The following GRK5 variants were observed in gnomAD, a reference collection of about 807,000 sequenced individuals.
GRK5 encodes the protein G protein-coupled receptor kinase 5, also known as g protein-coupled receptor kinase GRK5.
A neutral mutation model predicts 78.4 loss-of-function variants in GRK5; 40 were observed. The observed-to-expected ratio is 0.51, with a 90% CI of 0.40 to 0.66. The LOEUF is 0.66. Ranked by LOEUF, GRK5 falls within the 30% of genes least tolerant of loss-of-function variation. The probability of loss-of-function intolerance (pLI) is 0.00; values close to 1 mark genes in which losing one functional copy is unlikely to be tolerated. For synonymous variants in GRK5, 289 were observed against 296.8 expected (o/e 0.97, Z 0.27); for missense variants, 598 against 759.9 (o/e 0.79, Z 2.50).
intron 2 of GRK5, among the ~76,000 whole-genome samples, chr10:119,345,083 C>G (rs1031669742): frequency 6.6e-6 from 1 of 152,244 alleles, no homozygotes; most frequent in Non-Finnish European, 1.5e-5. Flanking sequence ...ATTCTCCTGC[C>G]TCAGCCTCCC....
chr10:119,342,413 T>C (rs1243406395), intron 2 of GRK5, among the ~76,000 whole-genome samples: 1 of 152,196 alleles, frequency 6.6e-6, no homozygotes, highest in Admixed American at 6.5e-5. Flanking sequence ...GTGATTAGAT[T>C]TCCCTGAACC....
At chr10:119,260,444 T>G (rs986302931) in intron 1 of GRK5, among the ~76,000 whole-genome samples, 1 of 151,098 alleles carries the variant, frequency 6.6e-6, no homozygotes, top group African/African-American at 2.4e-5. Context: ...TCTTGGGTGT[T>G]TCTCACAGAG....
chr10:119,421,792 G>C (rs1852574809), intron 4 of GRK5, among the ~76,000 whole-genome samples: 1 of 152,220 alleles, frequency 6.6e-6, no homozygotes, highest in Admixed American at 6.5e-5. Context: ...AGACCCTGAG[G>C]GCAGGGGTGA....
intron 3 of GRK5, among the ~76,000 whole-genome samples, chr10:119,386,958 T>C (rs558586858): frequency 3.9e-4 from 60 of 152,206 alleles, no homozygotes; most frequent in African/African-American, 1.4e-3. Context: ...CCTGTCCTCG[T>C]TGGACTCTGA....
intron 1 of GRK5, among the ~76,000 whole-genome samples, chr10:119,250,929 C>T (rs925012068): frequency 1.3e-5 from 2 of 152,166 alleles, no homozygotes; most frequent in Non-Finnish European, 2.9e-5. Context: ...GGCATCTCCA[C>T]GCTCTCCTAT....
In GRK5 at chr10:119,207,740, T is replaced by C; in HGVS notation, c.-178T>C. The C allele has an allele frequency of 1.8e-6, 1 of 555,048 alleles. No individual in the cohort carries two copies. The highest frequency in any genetic ancestry group is 3.0e-6 in the Non-Finnish European group (1 of 332,228). 34.4% of individuals were successfully genotyped at this position (555,048 alleles called of 1,614,324 possible). On this transcript the variant is annotated 5_prime_UTR_variant, in exon 1 of 16. Transcript: ENST00000392870. ...GCGGCGGCGGCGGCGGCGGCTCCTC[T>C]TTGCAGAGGGGGAAACTCTTGGGCT... is the stretch of plus-strand genomic sequence containing the variant.
At chr10:119,444,599 C>T (rs1465000724) in intron 12 of GRK5, among the ~76,000 whole-genome samples, 1 of 152,172 alleles carries the variant, frequency 6.6e-6, no homozygotes, top group Non-Finnish European at 1.5e-5. Context: ...GCTGGCACCC[C>T]CACTGCAAGC....
At chr10:119,220,843 C>A (rs1293055794) in intron 1 of GRK5, among the ~76,000 whole-genome samples, 1 of 128,508 alleles carries the variant, frequency 7.8e-6, no homozygotes, top group Admixed American at 8.3e-5. Context: ...AAAAAATTTG[C>A]AAAGGTAATA....
chr10:119,352,370 C>A (rs1375431874), intron 2 of GRK5, among the ~76,000 whole-genome samples: 1 of 152,180 alleles, frequency 6.6e-6, no homozygotes, highest in African/African-American at 2.4e-5. Flanking sequence ...CTTGAAGGAG[C>A]TTTTCTGGAA....
At chr10:119,434,778 A>G (rs1589808671) in intron 8 of GRK5, among the ~76,000 whole-genome samples, 1 of 152,226 alleles carries the variant, frequency 6.6e-6, no homozygotes, top group Non-Finnish European at 1.5e-5. Flanking sequence ...GACAGCTCCA[A>G]TAGGCAATGC....
At chr10:119,419,445 A>T (rs762118389) in intron 4 of GRK5, among the ~76,000 whole-genome samples, 18 of 152,228 alleles carry the variant, frequency 1.2e-4, no homozygotes, top group Non-Finnish European at 1.9e-4. Flanking sequence ...TTAGTTTCAG[A>T]CGCAATGGCC....
chr10:119,251,786 C>T (rs1423079111), intron 1 of GRK5, among the ~76,000 whole-genome samples: 1 of 152,178 alleles, frequency 6.6e-6, no homozygotes, highest in East Asian at 1.9e-4. Flanking sequence ...CATCTGTGGC[C>T]TTTAGCTTCA....
intron 1 of GRK5, among the ~76,000 whole-genome samples, chr10:119,210,142 C>CT (rs201311008): frequency 0.013 from 1,974 of 150,132 alleles, 36 homozygotes; most frequent in East Asian, 0.059. Context: ...GTGCCTTTCA[C>CT]TTTTTTTTTT....
chr10:119,403,323 C>T (rs1427942073), intron 4 of GRK5, among the ~76,000 whole-genome samples: 3 of 152,032 alleles, frequency 2.0e-5, no homozygotes, highest in South Asian at 2.1e-4. Context: ...CCTGCCACCA[C>T]GCCCTGCTAA....
At chr10:119,218,975 G>A (rs1051470125) in intron 1 of GRK5, among the ~76,000 whole-genome samples, 4 of 144,246 alleles carry the variant, frequency 2.8e-5, no homozygotes, top group Admixed American at 6.9e-5. Context: ...TCAGCTCACC[G>A]CAACCTCCGC....
intron 1 of GRK5, among the ~76,000 whole-genome samples, chr10:119,290,023 G>C (rs1849921399): frequency 1.3e-5 from 2 of 152,178 alleles, no homozygotes; most frequent in African/African-American, 4.8e-5. Flanking sequence ...GAGTAATAAG[G>C]ACCCCAGTTG....
Position 119,396,730 on chromosome 10 carries a change from A to G in GRK5, c.297A>G (p.Gly99=). 6.2e-7 allele frequency: 1 copy of G among 1,613,752 alleles called. No homozygotes were observed. The highest frequency in any genetic ancestry group is 8.5e-7 in the Non-Finnish European group (1 of 1,179,626). ...EYEVTPDEKL[G]EKGKEIMTKY... ...AAGTTACTCCAGATGAAAAACTGGG[A>G]GAGAAAGGGAAGGAAATTATGACCA... Residue 99 remains glycine, a synonymous_variant, in exon 4 of 16, where the codon GGA becomes GGG. Transcript: ENST00000392870.
intron 1 of GRK5, 82 bp from the exon 2 acceptor site, chr10:119,326,434 A>G: frequency 2.7e-6 from 3 of 1,130,816 alleles, no homozygotes; most frequent in Non-Finnish European, 4.0e-6. Context: ...CTCTCAGCCC[A>G]GGAGGCTGGT....
intron 1 of GRK5, among the ~76,000 whole-genome samples, chr10:119,287,241 G>GGGAAGGAAGGAAGGGAAGAAGGAAGGGAA (rs1849864240): frequency 1.0e-5 from 1 of 98,566 alleles, no homozygotes. Flanking sequence ...GAGAGAGGGA[G>GGGAAGGAAGGAAGGGAAGAAGGAAGGGAA]GGAGGAAGGG....
Sources: gnomAD v4.1 joint callset for allele counts (sites outside exome capture counted in the v4.1 genomes callset) on GRCh38, gnomAD v4.1.1 for gene constraint, MANE v1.5 for transcripts, NCBI Gene and HGNC (gene_info 2026-07-23, HGNC 2026-07-21) for gene names.